NFKBID: variants seen among roughly 807,000 people sequenced by gnomAD.
The protein encoded by NFKBID is NFKB inhibitor delta, also known as NF-kappa-B inhibitor delta.
A neutral mutation model predicts 53.4 loss-of-function variants in NFKBID; 26 were observed. That is an observed-to-expected ratio of 0.49 (90% CI 0.36 to 0.68). The LOEUF is 0.68. Ranked by LOEUF, NFKBID falls within the 30% of genes least tolerant of loss-of-function variation. The pLI is 0.00. For missense variants in NFKBID, 493 were observed against 614.1 expected (o/e 0.80, Z 2.08); for synonymous variants, 262 against 259.8 (o/e 1.01, Z -0.08).
Position 35,893,803 on chromosome 19 carries a change from G to A in NFKBID, c.1032+2177C>T, listed in dbSNP as rs1276909309. Among the ~76,000 whole-genome samples the A allele has an allele frequency of 4.7e-5, 7 of 149,494 alleles. No homozygotes were observed. The South Asian group carries it at 1.5e-3, about 32-fold the overall frequency. On this transcript the variant is annotated intron_variant, in intron 9 of 11. Coordinates refer to ENST00000641389, the Ensembl canonical transcript of NFKBID. ...CCACTGCACTCCAGCCTGGGTGACA[G>A]AGCGAGAGCCATCTCAAAAAAAAAA...
At chr19:35,901,962 TA>T (rs1975578587), upstream of NFKBID, 2 of 574,024 alleles carry the variant, frequency 3.5e-6, no homozygotes, top group Non-Finnish European at 6.2e-6. Context: ...TGTGTTGTGA[TA>T]GGGGCAGAAT....
chr19:35,890,140 C>T (rs567252294), intron 10 of NFKBID, 86 bp from the exon 11 acceptor site: 21 of 1,355,648 alleles, frequency 1.5e-5, no homozygotes, highest in African/African-American at 5.8e-5. Context: ...GCCTTGTCTA[C>T]GTCCTACACT....
upstream of NFKBID, chr19:35,902,146 C>CCG (rs1975582191): frequency 4.3e-6 from 3 of 702,932 alleles, no homozygotes; most frequent in Non-Finnish European, 2.6e-6. Flanking sequence ...ATTTCCAACC[C>CCG]TGTATGCCCA....
exon 10 of NFKBID, chr19:35,890,401 T>G: frequency 6.2e-7 from 1 of 1,613,144 alleles, no homozygotes. Flanking sequence ...TCCGCAGGTC[T>G]CCCCGGGGCA....
chr19:35,890,350 G>T, intron 10 of NFKBID, 24 bp downstream of exon 10: 1 of 1,509,924 alleles, frequency 6.6e-7, no homozygotes, highest in Non-Finnish European at 9.2e-7. Flanking sequence ...CACACAATCT[G>T]CACTTCCCAG....
rs772439667 is a variant in NFKBID at position 35,889,912 on chromosome 19, C to G, written c.1292G>C (p.Arg431Pro). ...TACCCCCTCAGGGCCCGGCCCGGGC[C>G]GCAGCAGGTGAACGGGCTGCTCATT... Residue 431 changes from arginine to proline, a missense_variant, in exon 11 of 12, where the codon CGG (arginine) becomes CCG (proline). By Grantham distance (103) the Arg-to-Pro change is moderately radical. Around this residue, in one of 2 missense-constraint regions of NFKBID, gnomAD observed 267 missense variants for 384.6 expected, o/e 0.69. Coordinates refer to ENST00000641389, the Ensembl canonical transcript of NFKBID. The G allele has an allele frequency of 2.5e-6, 4 of 1,610,128 alleles. No individual in the cohort carries two copies. Among genetic ancestry groups the G allele is most frequent in the African/African-American group, 1.3e-5 (1 of 74,968 alleles).
chr19:35,889,666 G>A (rs1232092736), intron 11 of NFKBID, among the ~76,000 whole-genome samples: 1 of 152,202 alleles, frequency 6.6e-6, no homozygotes, highest in Non-Finnish European at 1.5e-5. Flanking sequence ...GTCACACTGT[G>A]AGGTCAGGGT....
chr19:35,901,053 G>A (rs1353422127), upstream of NFKBID, among the ~76,000 whole-genome samples: 1 of 151,876 alleles, frequency 6.6e-6, no homozygotes, highest in Non-Finnish European at 1.5e-5. Context: ...GGCTGGTCTC[G>A]AACTCCTGGC....
chr19:35,898,764 C>T, exon 2 of NFKBID: 1 of 1,536,132 alleles, frequency 6.5e-7, no homozygotes, highest in South Asian at 1.2e-5. Flanking sequence ...GGCGCCTCTG[C>T]TCTTCCAGAA....
chr19:35,898,786 G>A (rs1392834194), exon 2 of NFKBID: 1 of 1,536,012 alleles, frequency 6.5e-7, no homozygotes, highest in Non-Finnish European at 8.7e-7. Context: ...CTTCTTCACG[G>A]TTTGCGTTGG....
Position 35,896,504 on chromosome 19 carries a change from G to T in NFKBID, c.719C>A (p.Pro240His). The change falls in exon 7 of 12, where the codon CCC becomes CAC. Residue 240 changes from proline to histidine, a missense_variant. By Grantham distance (77) the Pro-to-His change is moderately conservative. This residue lies in a region of NFKBID where 267 missense variants were observed against 384.6 expected (regional missense o/e 0.69). Coordinates refer to ENST00000641389, the Ensembl canonical transcript of NFKBID. The surrounding 1 kb of genome is among the most constrained non-coding windows in gnomAD (Gnocchi z 5.7). ...GTTCAACAGATCCTCCACAATCAGG[G>T]GCTGGTTGGCAGCAGCCGCCACCAG... is the stretch of plus-strand genomic sequence containing the variant. The T allele has an allele frequency of 6.2e-7, 1 of 1,614,096 alleles. No homozygotes were observed. The highest frequency in any genetic ancestry group is 8.5e-7 in the Non-Finnish European group (1 of 1,179,978).
rs1975214749 is a variant in NFKBID, at chr19:35,896,962, G to A, written c.529C>T (p.Leu177=). ...AGCAGCTGCTGTGGCCCCAAAGCCA[G>A]CATGTGAGCTCGGGCCACCTCCAGC... The change falls in exon 5 of 12, where the codon CTG becomes TTG. Residue 177 remains leucine (L), a synonymous_variant. Transcript: ENST00000641389. This position sits in a 1 kb window ranked among gnomAD's most constrained non-coding sequence, Gnocchi z 5.7. The A allele has an allele frequency of 6.2e-7, 1 of 1,608,988 alleles. No homozygotes were observed. Among genetic ancestry groups the A allele is most frequent in the Admixed American group, 1.7e-5 (1 of 58,620 alleles).
At chr19:35,897,205 A>G (rs1256982512) in intron 4 of NFKBID, 147 bp from the exon 5 acceptor site, 10 of 806,638 alleles carry the variant, frequency 1.2e-5, no homozygotes, top group Non-Finnish European at 1.9e-5. Context: ...TATCCCATCT[A>G]TGCCAAGTGA....
chr19:35,889,603 G>A (rs931413339), intron 11 of NFKBID, among the ~76,000 whole-genome samples: 2 of 151,974 alleles, frequency 1.3e-5, no homozygotes, highest in Non-Finnish European at 2.9e-5. Context: ...CACACTTGGG[G>A]GGATCAAAGG....
exon 10 of NFKBID, chr19:35,890,397 G>A (rs1236040054): frequency 6.2e-7 from 1 of 1,613,262 alleles, no homozygotes; most frequent in African/African-American, 1.3e-5. Context: ...AAGGTCCGCA[G>A]GTCTCCCCGG....
exon 12 of NFKBID, chr19:35,888,554 G>A (rs374906765): frequency 2.6e-5 from 41 of 1,563,506 alleles, no homozygotes; most frequent in Non-Finnish European, 3.5e-5. Context: ...GTCTGGGTTT[G>A]AGTCCTAAGA....
Position 35,895,676 on chromosome 19 carries a change from T to G in NFKBID, c.1032+304A>C, listed in dbSNP as rs1018683897. 2.6e-4 allele frequency among the ~76,000 whole-genome samples: 38 copies of G among 148,938 alleles called. No individual in the cohort carries two copies. The South Asian group carries it at 3.8e-3, about 15-fold the overall frequency. On this transcript the variant is annotated intron_variant, in intron 9 of 11. Transcript: ENST00000641389. ...AAAATTAGCCAGGCGTGGTGACTCATGCCTGTAATCCCAGCTACTCAGGAG... is the reference window on the plus strand; with the variant it reads ...AAAATTAGCCAGGCGTGGTGACTCAGGCCTGTAATCCCAGCTACTCAGGAG...
In NFKBID at chr19:35,900,496, G is replaced by A; in HGVS notation, c.7C>T (p.Gln3Ter). 1 of 1,231,868 alleles carries A rather than the reference G, an allele frequency of 8.1e-7. No homozygotes were observed. Among genetic ancestry groups the A allele is most frequent in the Non-Finnish European group, 1.0e-6 (1 of 987,728 alleles). 76.3% of individuals were successfully genotyped at this position (1,231,868 alleles called of 1,614,324 possible). A position where few individuals can be genotyped will look rare whatever the true frequency, so the allele number is the denominator to read the frequency against. Reference sequence around the variant, plus strand: ...CCCCCAGGGCCGCGGCCTCGGCGCTGCGCCAGCCTCGCTGTTTCCCCCGCG... The same window carrying A: ...CCCCCAGGGCCGCGGCCTCGGCGCTACGCCAGCCTCGCTGTTTCCCCCGCG... The change falls in exon 1 of 12, where the codon CAG becomes TAG. Residue 3 changes from glutamine to a stop codon, truncating the protein, a stop_gained. Transcript: ENST00000641389. LOFTEE classifies it high-confidence loss of function.
Position 35,896,966 on chromosome 19 carries a change from G to C in NFKBID, c.525C>G (p.His175Gln). The C allele has an allele frequency of 1.9e-6, 3 of 1,608,862 alleles. No homozygotes were observed. The South Asian group carries it at 3.3e-5, about 18-fold the overall frequency. ...GCTGCTGTGGCCCCAAAGCCAGCAT[G>C]TGAGCTCGGGCCACCTCCAGCGATG... The change falls in exon 5 of 12, where the codon CAC becomes CAG. Residue 175 changes from histidine (H) to glutamine (Q), a missense_variant. Transcript: ENST00000641389. The surrounding 1 kb of genome is among the most constrained non-coding windows in gnomAD (Gnocchi z 5.7).
Sources: allele counts gnomAD v4.1 joint callset (sites outside exome capture counted in the v4.1 genomes callset), GRCh38; gene constraint gnomAD v4.1.1; regional missense constraint gnomAD v4.1.1; non-coding constraint Gnocchi (gnomAD v3.1); transcripts MANE v1.5; gene names NCBI Gene and HGNC (gene_info 2026-07-23, HGNC 2026-07-21).